Variants in PKP2 observed in about 807,000 individuals in gnomAD.
PKP2 encodes the protein plakophilin 2, also known as plakophilin-2.
PKP2 carries 73 observed loss-of-function variants against 83.4 expected under a neutral mutation model. That is an observed-to-expected ratio of 0.88 (90% CI 0.72 to 1.06). The LOEUF is 1.06. Among genes scored for constraint, PKP2 ranks in the 50% least tolerant of loss-of-function variants. The pLI is 0.00. For synonymous variants in PKP2, 409 were observed against 430.4 expected, an observed-to-expected ratio of 0.95 and a Z score of 0.62; for missense variants, 966 against 1,065.4, an observed-to-expected ratio of 0.91 and a Z score of 1.30.
At chr12:32,804,442 C>T (rs768347486) in intron 9 of PKP2, among the ~76,000 whole-genome samples, 5 of 152,132 alleles carry the variant, frequency 3.3e-5, no homozygotes, top group African/African-American at 7.2e-5. Context: ...GCTATTCTTC[C>T]AGTGATGCTC....
chr12:32,876,738 C>A (rs928952452), intron 3 of PKP2, among the ~76,000 whole-genome samples: 1 of 152,186 alleles, frequency 6.6e-6, no homozygotes, highest in African/African-American at 2.4e-5. Flanking sequence ...TCATGTTGCC[C>A]AGGCTGGTCT....
At chr12:32,834,132 C>T (rs1160512142) in intron 6 of PKP2, among the ~76,000 whole-genome samples, 1 of 152,184 alleles carries the variant, frequency 6.6e-6, no homozygotes, top group Non-Finnish European at 1.5e-5. Flanking sequence ...GTTAGTGAAG[C>T]AACTTTCATC....
intron 3 of PKP2, 32 bp from the exon 4 acceptor site, chr12:32,869,094 C>A: frequency 6.2e-7 from 1 of 1,612,734 alleles, no homozygotes; most frequent in Non-Finnish European, 8.5e-7. Flanking sequence ...CAGCCAGATT[C>A]CAAACCTCCC....
At chr12:32,824,815 A>T (rs1013776012) in intron 6 of PKP2, among the ~76,000 whole-genome samples, 28 of 152,192 alleles carry the variant, frequency 1.8e-4, no homozygotes, top group African/African-American at 6.8e-4. Context: ...AATATTGCTA[A>T]GTCATGACAC....
At chr12:32,792,879 T>C in intron 11 of PKP2, 148 bp from the exon 12 acceptor site, 3 of 713,794 alleles carry the variant, frequency 4.2e-6, no homozygotes, top group Non-Finnish European at 7.7e-6. Context: ...ACCAGACAAT[T>C]AGGCAGCAAG....
In PKP2 at chr12:32,792,278, TC is replaced by T; in HGVS notation, c.*145del. 2 of 719,392 alleles carry T rather than the reference TC, an allele frequency of 2.8e-6. No homozygotes were observed. The highest frequency in any genetic ancestry group is 3.0e-5 in the South Asian group (2 of 65,638). The allele number at this position is 719,392 out of a possible 1,614,324, so 44.6% of individuals were successfully genotyped here. A position where few individuals can be genotyped will look rare whatever the true frequency, so the allele number is the denominator to read the frequency against. On this transcript the variant is annotated 3_prime_UTR_variant, in exon 13 of 13. Coordinates refer to ENST00000340811, the MANE Select transcript of PKP2 (RefSeq NM_001005242.3). ...TTCTGGAAGACTCATAAAATTATGT[TC>T]TATTTGTTTTCTGGATTCAGGGGAC...
intron 6 of PKP2, among the ~76,000 whole-genome samples, chr12:32,837,561 C>T (rs1565585696): frequency 2.0e-5 from 3 of 152,188 alleles, no homozygotes; most frequent in Non-Finnish European, 4.4e-5. Context: ...ATGGCACTCA[C>T]TTCCCAGATT....
At chr12:32,862,178 T>C (rs1435812933) in intron 4 of PKP2, among the ~76,000 whole-genome samples, 1 of 152,200 alleles carries the variant, frequency 6.6e-6, no homozygotes, top group Non-Finnish European at 1.5e-5. Context: ...ATTACAGGCG[T>C]GAGCCACCAC....
At chr12:32,889,110 C>A (rs1957056065) in intron 1 of PKP2, among the ~76,000 whole-genome samples, 1 of 151,962 alleles carries the variant, frequency 6.6e-6, no homozygotes, top group African/African-American at 2.4e-5. Context: ...AGGAGGCTGC[C>A]TATAAGGGAC....
intron 6 of PKP2, among the ~76,000 whole-genome samples, chr12:32,838,955 C>G (rs760191264): frequency 1.3e-5 from 2 of 152,020 alleles, no homozygotes; most frequent in East Asian, 3.9e-4. Context: ...GGTTTTAAAT[C>G]GTTAGGAGAT....
intron 11 of PKP2, among the ~76,000 whole-genome samples, chr12:32,795,535 C>G (rs976346792): frequency 6.6e-6 from 1 of 152,172 alleles, no homozygotes; most frequent in Non-Finnish European, 1.5e-5. Context: ...CACGCACCAC[C>G]ACACCCAGCT....
chr12:32,821,679 T>C, intron 8 of PKP2, 150 bp from the exon 9 acceptor site: 1 of 687,194 alleles, frequency 1.5e-6, no homozygotes, highest in African/African-American at 1.8e-5. Context: ...AGCAAATATA[T>C]ATAATTTCTA....
At chr12:32,857,318 C>G (rs997482975) in intron 4 of PKP2, among the ~76,000 whole-genome samples, 1 of 151,824 alleles carries the variant, frequency 6.6e-6, no homozygotes, top group East Asian at 1.9e-4. Flanking sequence ...CTCAGCTACT[C>G]GGGAGGCTGA....
chr12:32,806,865 C>T (rs530648436), intron 9 of PKP2, among the ~76,000 whole-genome samples: 3 of 152,264 alleles, frequency 2.0e-5, no homozygotes, highest in African/African-American at 4.8e-5. Context: ...TCCCTCTTAA[C>T]ACTGCTTTAG....
intron 9 of PKP2, among the ~76,000 whole-genome samples, chr12:32,804,443 A>G (rs11052251): frequency 0.26 from 40,125 of 151,968 alleles, 6,781 homozygotes; most frequent in East Asian, 0.57. Context: ...CTATTCTTCC[A>G]GTGATGCTCT....
At chr12:32,845,321 G>T (rs527499806) in intron 5 of PKP2, among the ~76,000 whole-genome samples, 15 of 152,164 alleles carry the variant, frequency 9.9e-5, no homozygotes, top group Non-Finnish European at 1.5e-4. Context: ...GGAGGCCGAG[G>T]GGGGCGGATC....
At chr12:32,896,127 A>G (rs989615890) in intron 1 of PKP2, among the ~76,000 whole-genome samples, 3 of 152,216 alleles carry the variant, frequency 2.0e-5, no homozygotes, top group African/African-American at 7.2e-5. Context: ...TCTCCCAGAA[A>G]AAGATCGTAC....
intron 5 of PKP2, among the ~76,000 whole-genome samples, chr12:32,848,761 T>G (rs564386592): frequency 6.6e-6 from 1 of 152,288 alleles, no homozygotes; most frequent in Non-Finnish European, 1.5e-5. Context: ...TATATCCATG[T>G]GACACACTTG....
Position 32,802,397 on chromosome 12 carries a change from A to G in PKP2, c.2167+6T>C, listed in dbSNP as rs2137725102. 6.2e-7 allele frequency: 1 copy of G among 1,613,610 alleles called. No individual in the cohort carries two copies. The highest frequency in any genetic ancestry group is 1.7e-4 in the Middle Eastern group (1 of 6,036). On this transcript the variant is annotated splice_donor_region_variant and intron_variant, in intron 10 of 12. Transcript: ENST00000340811. ...ATATTACACATAGATACTTATACCG[A>G]CTCACCAATTTCATTCTGCAGAGAA...
Sources: gnomAD v4.1 joint callset for allele counts (sites outside exome capture counted in the v4.1 genomes callset) on GRCh38, gnomAD v4.1.1 for gene constraint, MANE v1.5 for transcripts, NCBI Gene and HGNC (gene_info 2026-07-23, HGNC 2026-07-21) for gene names.